Variants in CFAP20DC observed in about 807,000 individuals in gnomAD.
The protein encoded by CFAP20DC is CFAP20 domain containing, also known as protein CFAP20DC.
Under a neutral mutation model 101.7 loss-of-function variants are expected in CFAP20DC, and 84 were observed. The ratio of observed to expected loss-of-function variants is 0.83; its 90% CI spans 0.69 to 0.99. The LOEUF (loss-of-function observed/expected upper bound fraction) is 0.99. CFAP20DC is among the 50% of genes least tolerant of loss of function. The probability of loss-of-function intolerance (pLI) is 0.00; values close to 1 mark genes in which losing one functional copy is unlikely to be tolerated. For synonymous variants in CFAP20DC, 359 were observed against 351.2 expected, an observed-to-expected ratio of 1.02 and a Z score of -0.25; for missense variants, 1,007 against 970.3, an observed-to-expected ratio of 1.04 and a Z score of -0.50.
chr3:58,821,768 C>T (rs1412584329), intron 14 of CFAP20DC, among the ~76,000 whole-genome samples: 4 of 147,686 alleles, frequency 2.7e-5, no homozygotes, highest in South Asian at 2.2e-4. Flanking sequence ...CTAGAAATAC[C>T]ATTTGACCCA....
chr3:58,786,981 C>A (rs555458468), intron 15 of CFAP20DC, among the ~76,000 whole-genome samples: 4 of 151,630 alleles, frequency 2.6e-5, no homozygotes, highest in Non-Finnish European at 4.4e-5. Flanking sequence ...CACTATCTGT[C>A]GTTTTAGACA....
chr3:58,730,353 G>C (rs150205639), intron 3 of CFAP20DC, among the ~76,000 whole-genome samples: 2,080 of 152,246 alleles, frequency 0.014, 39 homozygotes, highest in African/African-American at 0.046. Flanking sequence ...TAAATATGTA[G>C]AATTATTATC....
At chr3:58,980,581 A>G (rs1159541993) in intron 4 of CFAP20DC, among the ~76,000 whole-genome samples, 1 of 152,252 alleles carries the variant, frequency 6.6e-6, no homozygotes, top group Non-Finnish European at 1.5e-5. Context: ...AATTGAGCAT[A>G]TAAACAGAAC....
intron 12 of CFAP20DC, among the ~76,000 whole-genome samples, chr3:58,852,098 G>A (rs2078295207): frequency 1.3e-5 from 2 of 152,032 alleles, no homozygotes; most frequent in Admixed American, 6.6e-5. Context: ...CTTTTGCTTT[G>A]ACTGGGCCAC....
intron 14 of CFAP20DC, among the ~76,000 whole-genome samples, chr3:58,830,936 G>A (rs1304944558): frequency 6.6e-6 from 1 of 152,146 alleles, no homozygotes; most frequent in African/African-American, 2.4e-5. Context: ...TTTACGCTCT[G>A]TCTTTCCAAT....
At chr3:58,902,882 T>C (rs543409502) in intron 6 of CFAP20DC, among the ~76,000 whole-genome samples, 1 of 152,324 alleles carries the variant, frequency 6.6e-6, no homozygotes, top group East Asian at 1.9e-4. Context: ...ATTACTTTTA[T>C]TGTTATATTG....
chr3:58,849,344 T>A lies in CFAP20DC; in HGVS notation c.1659A>T (p.Thr553=). ...TTGPSELTQL[T]LESLLGKAAK... ...CAGCCTTCCCCAGCAGGCTCTCTAA[T>A]GTTAACTGAGTTAACTCTGAAGGAC... is the stretch of plus-strand genomic sequence containing the variant. Residue 553 remains threonine, a synonymous_variant, in exon 13 of 17, where the codon ACA becomes ACT. Coordinates refer to ENST00000482387, the MANE Select transcript of CFAP20DC (RefSeq NM_001394063.1). The A allele has an allele frequency of 6.5e-7, 1 of 1,536,128 alleles. No individual in the cohort carries two copies. Among genetic ancestry groups the A allele is most frequent in the Non-Finnish European group, 8.7e-7 (1 of 1,146,840 alleles).
Position 58,884,573 on chromosome 3 carries a change from T to C in CFAP20DC, c.687A>G (p.Gly229=), listed in dbSNP as rs755935129. 2.3e-4 allele frequency: 368 copies of C among 1,613,878 alleles called. No individual in the cohort carries two copies. Among genetic ancestry groups the C allele is most frequent in the Middle Eastern group, 3.3e-4 (2 of 6,082 alleles). Residue 229 remains glycine (G), a synonymous_variant, in exon 7 of 17, where the codon GGA becomes GGG. Coordinates refer to ENST00000482387, the MANE Select transcript of CFAP20DC (RefSeq NM_001394063.1). ...TKLRQTEIKF[G]GHPLRSAESD... is the part of the protein sequence containing the mutation. Reference sequence around the variant, plus strand: ...ATTCTGCTGATCTTAGAGGATGGCCTCCGAATTTTATTTCAGTTTGGCGAA... The same window carrying C: ...ATTCTGCTGATCTTAGAGGATGGCCCCCGAATTTTATTTCAGTTTGGCGAA...
chr3:58,866,616 G>C lies in CFAP20DC; in HGVS notation c.1208C>G (p.Ala403Gly). ...TAGAGTGCCGGAGTTCAACAGCTCT[G>C]CTCCTTGTTGGGACACAGTGGTGAG... ...TILTTVSQQG[A>G]ELLNSGTLGP... is the part of the protein sequence containing the mutation. Residue 403 changes from alanine (A) to glycine (G), a missense_variant, in exon 11 of 17, where the codon GCA becomes GGA. By Grantham distance (60) the Ala-to-Gly change is moderately conservative. Transcript: ENST00000482387. 1 of 1,611,790 alleles carries C rather than the reference G, an allele frequency of 6.2e-7. No individual in the cohort carries two copies. The highest frequency in any genetic ancestry group is 8.5e-7 in the Non-Finnish European group (1 of 1,178,130).
intron 15 of CFAP20DC, among the ~76,000 whole-genome samples, chr3:58,806,170 T>A (rs938926097): frequency 6.6e-6 from 1 of 152,212 alleles, no homozygotes. Context: ...GTCAAATGAC[T>A]TACCCAAAAT....
intron 4 of CFAP20DC, among the ~76,000 whole-genome samples, chr3:58,940,053 C>G (rs1559864264): frequency 6.6e-6 from 1 of 152,304 alleles, no homozygotes; most frequent in East Asian, 1.9e-4. Context: ...AGGCGTGAGC[C>G]ACTGTGCCCA....
chr3:58,759,651 G>T (rs2069339390), intron 15 of CFAP20DC, among the ~76,000 whole-genome samples: 1 of 152,064 alleles, frequency 6.6e-6, no homozygotes. Context: ...TTTCTTCTAG[G>T]GTTTTTATGG....
chr3:58,804,696 T>C (rs977387532), intron 15 of CFAP20DC, among the ~76,000 whole-genome samples: 2 of 152,206 alleles, frequency 1.3e-5, no homozygotes, highest in African/African-American at 4.8e-5. Flanking sequence ...TGGACCACAG[T>C]TGGATTTCCA....
At chr3:58,773,392 A>G (rs976347855) in intron 15 of CFAP20DC, among the ~76,000 whole-genome samples, 4 of 149,814 alleles carry the variant, frequency 2.7e-5, no homozygotes, top group Non-Finnish European at 5.9e-5. Flanking sequence ...CTCTAGCAAA[A>G]AAAAAAAAAA....
Position 58,946,973 on chromosome 3 carries a change from T to C in CFAP20DC, c.279-9211A>G, listed in dbSNP as rs147764874. ...AATGAATATTTACATTTTACCAATG[T>C]AGTGAGAGGCTCAGAGACATTAAGC... On this transcript the variant is annotated intron_variant, in intron 4 of 16. Coordinates refer to ENST00000482387, the MANE Select transcript of CFAP20DC (RefSeq NM_001394063.1). 4.8e-3 allele frequency among the ~76,000 whole-genome samples: 736 copies of C among 152,296 alleles called. 4 individuals are homozygous for C. Among genetic ancestry groups the C allele is most frequent in the Admixed American group, 8.4e-3 (129 of 15,288 alleles).
chr3:58,753,151 G>A (rs954207851), intron 16 of CFAP20DC, among the ~76,000 whole-genome samples: 5 of 152,084 alleles, frequency 3.3e-5, no homozygotes, highest in African/African-American at 7.2e-5. Context: ...CCAACCAAAC[G>A]AACACCTGGC....
intron 15 of CFAP20DC, among the ~76,000 whole-genome samples, chr3:58,763,435 T>C (rs1307086738): frequency 6.6e-6 from 1 of 152,204 alleles, no homozygotes; most frequent in Non-Finnish European, 1.5e-5. Flanking sequence ...AGTTAGCCAT[T>C]CGTCTAATTT....
At chr3:58,988,929 C>A (rs1460495715) in intron 4 of CFAP20DC, among the ~76,000 whole-genome samples, 1 of 151,960 alleles carries the variant, frequency 6.6e-6, no homozygotes, top group African/African-American at 2.4e-5. Flanking sequence ...ATGTCTTTTG[C>A]CAGGAGTTCA....
At chr3:58,903,493 ACTG>A (rs570023005) in intron 6 of CFAP20DC, among the ~76,000 whole-genome samples, 266 of 152,244 alleles carry the variant, frequency 1.7e-3, no homozygotes, top group African/African-American at 5.9e-3. Flanking sequence ...AATATCCAAG[ACTG>A]GGTAATTTAT....
Sources: allele counts gnomAD v4.1 joint callset (sites outside exome capture counted in the v4.1 genomes callset), GRCh38; gene constraint gnomAD v4.1.1; transcripts MANE v1.5; gene names NCBI Gene and HGNC (gene_info 2026-07-23, HGNC 2026-07-21).